The following CDK14 variants were observed in gnomAD, a reference collection of about 807,000 sequenced individuals.
The protein encoded by CDK14 is cyclin dependent kinase 14, also known as cyclin-dependent kinase 14.
CDK14 carries 34 observed loss-of-function variants against 60.7 expected under a neutral mutation model. The ratio of observed to expected loss-of-function variants is 0.56; its 90% confidence interval spans 0.43 to 0.75. CDK14 has a LOEUF of 0.75. Ranked by LOEUF, CDK14 falls within the 30% of genes least tolerant of loss-of-function variation. The pLI is 0.00. For missense variants in CDK14, 482 were observed against 564.1 expected (o/e 0.85, Z 1.47); for synonymous variants, 197 against 203.7 (o/e 0.97, Z 0.28).
At position 90,899,450 on chromosome 7, in the gene CDK14, T is replaced by A. The variant is rs111539926; in HGVS notation, c.702+97T>A. 8.5e-4 allele frequency: 773 copies of A among 913,284 alleles called. 6 individuals carry two copies. The African/African-American group carries it at 0.012, about 14-fold the overall frequency. 56.6% of individuals were successfully genotyped at this position (913,284 alleles called of 1,614,324 possible). A position where few individuals can be genotyped will look rare whatever the true frequency, so the allele number is the denominator to read the frequency against. On this transcript the variant is annotated intron_variant, in intron 7 of 14. Transcript: ENST00000380050. ...TCTACCATAACATATTTAAATTTTT[T>A]AAATTTTTTGTGTAAAGAGAAGGGA...
intron 14 of CDK14, among the ~76,000 whole-genome samples, chr7:91,173,838 G>T (rs1430826149): frequency 3.3e-5 from 5 of 152,180 alleles, no homozygotes; most frequent in Admixed American, 3.3e-4. Context: ...TGCTAGCACA[G>T]CAGTCTGAGA....
intron 12 of CDK14, among the ~76,000 whole-genome samples, chr7:91,087,865 A>C (rs1318097663): frequency 6.6e-6 from 1 of 152,072 alleles, no homozygotes; most frequent in East Asian, 1.9e-4. Flanking sequence ...CTTCCTCAAC[A>C]GTTTCTTCCT....
intron 5 of CDK14, among the ~76,000 whole-genome samples, chr7:90,820,716 T>C (rs1789515878): frequency 6.6e-6 from 1 of 152,182 alleles, no homozygotes; most frequent in Non-Finnish European, 1.5e-5. Context: ...GTCACCTCTT[T>C]GTGCTGATTT....
At chr7:90,645,610 A>C (rs780933796) in intron 2 of CDK14, among the ~76,000 whole-genome samples, 14 of 151,920 alleles carry the variant, frequency 9.2e-5, no homozygotes, top group Admixed American at 9.2e-4. Context: ...TTTTTTTTAG[A>C]GATGAGATCT....
chr7:91,160,434 T>G (rs17163649), intron 14 of CDK14, among the ~76,000 whole-genome samples: 1,727 of 152,282 alleles, frequency 0.011, 44 homozygotes, highest in African/African-American at 0.038. Context: ...TTACCCAGAC[T>G]TAAAGAGCAG....
intron 1 of CDK14, among the ~76,000 whole-genome samples, chr7:90,598,854 G>A (rs191110802): frequency 0.15 from 21,990 of 149,472 alleles, 1,743 homozygotes; most frequent in Middle Eastern, 0.25. Flanking sequence ...ACAGGCGCCC[G>A]CCACTACGCC....
intron 14 of CDK14, among the ~76,000 whole-genome samples, chr7:91,136,994 G>A (rs1369295945): frequency 6.6e-6 from 1 of 152,140 alleles, no homozygotes; most frequent in Admixed American, 6.5e-5. Flanking sequence ...TCTTTTATCA[G>A]GATAATCATA....
intron 13 of CDK14, among the ~76,000 whole-genome samples, chr7:91,112,924 C>T (rs1799512209): frequency 6.6e-6 from 1 of 151,650 alleles, no homozygotes; most frequent in African/African-American, 2.4e-5. Context: ...GGAATCCTGC[C>T]ATTCATTTGC....
intron 5 of CDK14, among the ~76,000 whole-genome samples, chr7:90,858,663 T>A (rs1410960613): frequency 6.6e-6 from 1 of 152,188 alleles, no homozygotes; most frequent in African/African-American, 2.4e-5. Context: ...AGGCTAGGTG[T>A]TATGTACCAT....
intron 5 of CDK14, among the ~76,000 whole-genome samples, chr7:90,828,677 A>T (rs1434606602): frequency 6.6e-6 from 1 of 152,158 alleles, no homozygotes; most frequent in African/African-American, 2.4e-5. Context: ...GGAGATACTC[A>T]TCTGCTTGTT....
intron 6 of CDK14, among the ~76,000 whole-genome samples, chr7:90,874,982 C>T (rs1791510578): frequency 6.6e-6 from 1 of 152,128 alleles, no homozygotes. Context: ...ATTCATTACC[C>T]TAAAGAGAAT....
rs188155168 is a variant in CDK14 at position 90,921,655 on chromosome 7, G to A, written c.826+3931G>A. ...AGTCATGTCTATACCAAAAGACATCGAGATTAAAGTTGCCCCGAGAATGAG... is the reference window on the plus strand; with the variant it reads ...AGTCATGTCTATACCAAAAGACATCAAGATTAAAGTTGCCCCGAGAATGAG... On this transcript the variant is annotated intron_variant, in intron 8 of 14. Coordinates refer to ENST00000380050, the MANE Select transcript of CDK14 (RefSeq NM_001287135.2). Among the ~76,000 whole-genome samples, 13 of 152,008 alleles carry A rather than the reference G, an allele frequency of 8.6e-5. No homozygotes were observed. In the East Asian group the frequency reaches 1.5e-3, roughly 18 times the overall value.
At chr7:91,058,745 G>A (rs201387973) in intron 11 of CDK14, among the ~76,000 whole-genome samples, 1 of 152,210 alleles carries the variant, frequency 6.6e-6, no homozygotes, top group African/African-American at 2.4e-5. Flanking sequence ...TGCATCCCAG[G>A]GATGAAGCCC....
intron 6 of CDK14, among the ~76,000 whole-genome samples, chr7:90,882,391 T>C (rs1444617921): frequency 1.3e-5 from 2 of 152,024 alleles, no homozygotes; most frequent in South Asian, 2.1e-4. Flanking sequence ...AAAGAACAGC[T>C]AACTATATTC....
chr7:91,089,174 CT>C, intron 12 of CDK14, among the ~76,000 whole-genome samples: 1 of 152,250 alleles, frequency 6.6e-6, no homozygotes, highest in Admixed American at 6.5e-5. Flanking sequence ...AACTGATGTA[CT>C]TTGGAGATGT....
rs1034561506 is a variant in CDK14, at chr7:90,607,224, C to T, written c.123+2975C>T. 3.3e-5 allele frequency among the ~76,000 whole-genome samples: 5 copies of T among 152,270 alleles called. No individual in the cohort carries two copies. In the East Asian group the frequency reaches 9.7e-4, roughly 29 times the overall value. ...ATAATAGTAGAAATTTTTTTGAACG[C>T]TTGTTTTTTACCTTCTCTCTCCTGG... On this transcript the variant is annotated intron_variant, in intron 2 of 14. Coordinates refer to ENST00000380050, the MANE Select transcript of CDK14 (RefSeq NM_001287135.2).
At chr7:90,929,065 T>C (rs528046687) in intron 8 of CDK14, among the ~76,000 whole-genome samples, 7 of 152,328 alleles carry the variant, frequency 4.6e-5, no homozygotes, top group Admixed American at 1.3e-4. Context: ...GCTAATTCCA[T>C]TGGAACAGCA....
Position 91,142,060 on chromosome 7 carries a change from G to A in CDK14, c.*28+23852G>A, listed in dbSNP as rs1800481598. On this transcript the variant is annotated intron_variant, in intron 14 of 14. Transcript: ENST00000380050. The stretch of plus-strand genomic sequence containing the variant: ...AGGACGGTCTCAATCTCCTGACCTC[G>A]TGATCTGCCCACCTGGGCCTCCCAT... Among the ~76,000 whole-genome samples, 4 of 152,004 alleles carry A rather than the reference G, an allele frequency of 2.6e-5. No homozygotes were observed. In the South Asian group the frequency reaches 6.2e-4, roughly 24 times the overall value.
Position 90,709,459 on chromosome 7 carries a change from T to G in CDK14, c.124-17108T>G, listed in dbSNP as rs1234864026. The G allele has an allele frequency of 8.3e-6, 13 of 1,562,862 alleles. No individual in the cohort carries two copies. The East Asian group carries it at 3.0e-4, about 36-fold the overall frequency. ...TCACCATTAGCTGTTTGGCTCCCAT[T>G]CTGTATTCTTCTGAAGCAGCCCTGC... On this transcript the variant is annotated intron_variant, in intron 2 of 14. Coordinates refer to ENST00000380050, the MANE Select transcript of CDK14 (RefSeq NM_001287135.2).
Sources: allele counts gnomAD v4.1 joint callset (sites outside exome capture counted in the v4.1 genomes callset), GRCh38; gene constraint gnomAD v4.1.1; transcripts MANE v1.5; gene names NCBI Gene and HGNC (gene_info 2026-07-23, HGNC 2026-07-21).